The following NPEPPS variants were observed in gnomAD, a reference collection of about 807,000 sequenced individuals.
NPEPPS encodes aminopeptidase puromycin sensitive, also known as puromycin-sensitive aminopeptidase.
NPEPPS carries 14 observed loss-of-function variants against 115.5 expected under a neutral mutation model. The observed-to-expected ratio is 0.12, with a 90% CI of 0.08 to 0.19. The LOEUF is 0.19. Ranked by LOEUF, NPEPPS falls within the 10% of genes least tolerant of loss-of-function variation. NPEPPS has a pLI of 1.00. For synonymous variants in NPEPPS, 285 were observed against 390.6 expected (o/e 0.73, Z 3.19); for missense variants, 523 against 1,110.8 (o/e 0.47, Z 7.52).
At chr17:47,542,164 A>G (rs879635082) in intron 1 of NPEPPS, among the ~76,000 whole-genome samples, 74 of 152,294 alleles carry the variant, frequency 4.9e-4, no homozygotes, top group Non-Finnish European at 7.6e-4. Context: ...TTTGGTCTAT[A>G]CAGTGTTTCT....
At chr17:47,608,612 A>G (rs1597887338) in intron 17 of NPEPPS, among the ~76,000 whole-genome samples, 1 of 152,146 alleles carries the variant, frequency 6.6e-6, no homozygotes, top group Non-Finnish European at 1.5e-5. Context: ...TGTCTTTAAA[A>G]AACAAAACAA....
At chr17:47,582,579 T>G in intron 4 of NPEPPS, 163 bp from the exon 5 acceptor site, 2 of 675,866 alleles carry the variant, frequency 3.0e-6, no homozygotes, top group South Asian at 3.0e-5. Context: ...GCAAGTGTTG[T>G]CTTTTCTTTC....
intron 2 of NPEPPS, among the ~76,000 whole-genome samples, chr17:47,560,187 A>C (rs1259997487): frequency 6.6e-6 from 1 of 151,922 alleles, no homozygotes; most frequent in East Asian, 1.9e-4. Flanking sequence ...TGAATTATAT[A>C]CTCATCTATT....
intron 5 of NPEPPS, among the ~76,000 whole-genome samples, chr17:47,584,315 G>T (rs772395073): frequency 1.3e-5 from 2 of 152,012 alleles, no homozygotes; most frequent in Non-Finnish European, 2.9e-5. Context: ...GCTGCGTAAT[G>T]AAGTATATTT....
At chr17:47,617,217 T>C (rs1173319737) in intron 19 of NPEPPS, among the ~76,000 whole-genome samples, 1 of 152,208 alleles carries the variant, frequency 6.6e-6, no homozygotes, top group Non-Finnish European at 1.5e-5. Context: ...TATTTTTTTC[T>C]TTATGCTTCT....
intron 9 of NPEPPS, among the ~76,000 whole-genome samples, chr17:47,588,436 C>T (rs1428559190): frequency 6.6e-6 from 1 of 151,720 alleles, no homozygotes; most frequent in Non-Finnish European, 1.5e-5. Flanking sequence ...TGGTGGTGTG[C>T]GCCTGTAATC....
chr17:47,611,665 G>A (rs187779334), intron 17 of NPEPPS, among the ~76,000 whole-genome samples: 57 of 151,906 alleles, frequency 3.8e-4, no homozygotes, highest in African/African-American at 1.1e-3. Context: ...TAGAAACAGG[G>A]TCTTGCTGTG....
At chr17:47,543,923 C>A (rs1908984161) in intron 1 of NPEPPS, among the ~76,000 whole-genome samples, 1 of 112,600 alleles carries the variant, frequency 8.9e-6, no homozygotes, top group East Asian at 2.5e-4. Flanking sequence ...GAGACAGAGT[C>A]TTGCTCTGTT....
intron 12 of NPEPPS, among the ~76,000 whole-genome samples, chr17:47,595,329 G>C (rs1426137619): frequency 1.3e-5 from 2 of 152,176 alleles, no homozygotes; most frequent in Non-Finnish European, 2.9e-5. Flanking sequence ...GCCTCCCAAA[G>C]TGCTGGGATT....
intron 19 of NPEPPS, 86 bp from the exon 20 acceptor site, chr17:47,618,264 C>A: frequency 2.4e-6 from 2 of 817,296 alleles, no homozygotes; most frequent in Non-Finnish European, 2.0e-6. Context: ...CTAAGTTTTA[C>A]CTTACTGGGG....
intron 17 of NPEPPS, among the ~76,000 whole-genome samples, chr17:47,608,418 C>T (rs916616496): frequency 1.2e-4 from 17 of 146,496 alleles, no homozygotes; most frequent in Admixed American, 1.1e-3. Context: ...TGCGCCATTG[C>T]GCTCCAGCCT....
chr17:47,599,902 C>T (rs556682400), intron 14 of NPEPPS, among the ~76,000 whole-genome samples, 163 bp downstream of exon 14: 1 of 152,070 alleles, frequency 6.6e-6, no homozygotes, highest in East Asian at 1.9e-4. Context: ...ACTGCAACCT[C>T]CACCTCCTGG....
At chr17:47,594,586 TTTATTTTATGTTATGTTATG>T (rs1247515147) in intron 12 of NPEPPS, among the ~76,000 whole-genome samples, 23 of 118,770 alleles carry the variant, frequency 1.9e-4, no homozygotes, top group Admixed American at 3.4e-4. Context: ...AATTTTGTAT[TTTATTTTATGTTATGTTATG>T]TTATGTTATG....
intron 1 of NPEPPS, among the ~76,000 whole-genome samples, chr17:47,533,352 C>T (rs1907960880): frequency 1.3e-5 from 2 of 151,776 alleles, no homozygotes; most frequent in Non-Finnish European, 2.9e-5. Context: ...ATTTGGGAAA[C>T]TGTGGCTTAA....
At chr17:47,542,217 C>T (rs985062278) in intron 1 of NPEPPS, among the ~76,000 whole-genome samples, 11 of 152,046 alleles carry the variant, frequency 7.2e-5, no homozygotes, top group South Asian at 2.1e-4. Flanking sequence ...CGGGAGACTG[C>T]GCATGAAATC....
At chr17:47,569,731 C>T (rs993213441) in intron 3 of NPEPPS, among the ~76,000 whole-genome samples, 4 of 151,948 alleles carry the variant, frequency 2.6e-5, no homozygotes, top group Non-Finnish European at 5.9e-5. Flanking sequence ...GATTCTCCTG[C>T]GTCGGCCTCC....
At chr17:47,537,858 A>G (rs1295687214) in intron 1 of NPEPPS, among the ~76,000 whole-genome samples, 1 of 151,396 alleles carries the variant, frequency 6.6e-6, no homozygotes, top group East Asian at 1.9e-4. Context: ...CAAACTATGT[A>G]CTATAATTTA....
intron 21 of NPEPPS, 147 bp downstream of exon 21, chr17:47,619,311 T>G (rs1009948668): frequency 3.8e-6 from 3 of 787,914 alleles, no homozygotes; most frequent in Non-Finnish European, 4.2e-6. Flanking sequence ...ACCAGCACTT[T>G]GGGACGCCGA....
intron 15 of NPEPPS, chr17:47,601,970 G>GA: frequency 1.9e-5 from 8 of 415,648 alleles, no homozygotes; most frequent in South Asian, 1.0e-4. Context: ...CTAAGGAGGA[G>GA]AAGAAAAAAA....
Sources: allele counts gnomAD v4.1 joint callset (sites outside exome capture counted in the v4.1 genomes callset), GRCh38; gene constraint gnomAD v4.1.1; transcripts MANE v1.5; gene names NCBI Gene and HGNC (gene_info 2026-07-23, HGNC 2026-07-21).